The following STX2 variants were observed in gnomAD, a reference collection of about 807,000 sequenced individuals.
STX2 encodes syntaxin-2.
In STX2, 27 loss-of-function variants were observed where a neutral mutation model predicts 40.6. The ratio of observed to expected loss-of-function variants is 0.66; its 90% confidence interval spans 0.49 to 0.92. The LOEUF (loss-of-function observed/expected upper bound fraction) is 0.92. Ranked by LOEUF, STX2 falls within the 40% of genes least tolerant of loss-of-function variation. STX2 has a pLI of 0.00. For missense variants in STX2, 328 were observed against 366.1 expected (o/e 0.90, Z 0.85); for synonymous variants, 123 against 119.1 (o/e 1.03, Z -0.22).
At chr12:130,819,796 A>G (rs1009999578) in intron 3 of STX2, among the ~76,000 whole-genome samples, 3 of 152,178 alleles carry the variant, frequency 2.0e-5, no homozygotes, top group African/African-American at 7.2e-5. Flanking sequence ...TGATTATTCT[A>G]CGGGTACTGC....
rs142611046 is a variant in STX2 at position 130,835,542 on chromosome 12, A to G, written c.30+3528T>C. 2.6e-5 allele frequency among the ~76,000 whole-genome samples: 4 copies of G among 152,236 alleles called. No homozygotes were observed. In the East Asian group the frequency reaches 7.7e-4, roughly 29 times the overall value. ...ACTTTTTTTAAAAAGTAATCAAAAT[A>G]CGTTTGGGGTGGTTATCTTATAGAA... is the stretch of plus-strand genomic sequence containing the variant. On this transcript the variant is annotated intron_variant, in intron 1 of 10. Coordinates refer to ENST00000392373, the MANE Select transcript of STX2 (RefSeq NM_194356.4).
At chr12:130,821,926 G>T in intron 2 of STX2, 138 bp from the exon 3 acceptor site, 1 of 575,482 alleles carries the variant, frequency 1.7e-6, no homozygotes, top group Admixed American at 3.2e-5. Flanking sequence ...TTCTCACACT[G>T]GTATCGTTAA....
chr12:130,836,682 C>T (rs1051562857), intron 1 of STX2, among the ~76,000 whole-genome samples: 2 of 152,200 alleles, frequency 1.3e-5, no homozygotes, highest in Admixed American at 1.3e-4. Context: ...GAGCTTCACA[C>T]ATTAGATAAT....
At chr12:130,827,757 T>C (rs1952379854) in intron 1 of STX2, among the ~76,000 whole-genome samples, 1 of 152,122 alleles carries the variant, frequency 6.6e-6, no homozygotes, top group Admixed American at 6.5e-5. Context: ...CTACAAAAAA[T>C]TAGCTGGGCC....
chr12:130,798,684 T>C (rs771259317), intron 8 of STX2, 49 bp from the exon 9 acceptor site: 4 of 1,412,496 alleles, frequency 2.8e-6, no homozygotes, highest in South Asian at 1.3e-5. Flanking sequence ...AATGGCTTAA[T>C]CATGTATCTT....
chr12:130,832,750 A>G (rs1049172247), intron 1 of STX2, among the ~76,000 whole-genome samples: 3 of 151,982 alleles, frequency 2.0e-5, no homozygotes, highest in Non-Finnish European at 4.4e-5. Flanking sequence ...TCCTCAGCTC[A>G]CTCACGTCTC....
intron 3 of STX2, among the ~76,000 whole-genome samples, chr12:130,813,743 G>A (rs112935435): frequency 0.012 from 1,811 of 152,170 alleles, 19 homozygotes; most frequent in Middle Eastern, 0.031. Context: ...CAGGATGTCT[G>A]CTCCATGCCG....
intron 3 of STX2, among the ~76,000 whole-genome samples, chr12:130,820,430 G>A (rs1007055187): frequency 6.6e-6 from 1 of 152,198 alleles, no homozygotes; most frequent in Non-Finnish European, 1.5e-5. Flanking sequence ...ACTTTGGGAG[G>A]CCGAGGCAGG....
rs558709071 is a variant in STX2, at chr12:130,833,600, G to A, written c.30+5470C>T. ...TAATTTTTGCATCTTTAGTAGAGAC[G>A]AGGTTTCCCCCTGTTGGCCAGGCTG... On this transcript the variant is annotated intron_variant, in intron 1 of 10. Coordinates refer to ENST00000392373, the MANE Select transcript of STX2 (RefSeq NM_194356.4). 1.3e-3 allele frequency among the ~76,000 whole-genome samples: 191 copies of A among 152,110 alleles called. 1 individual carries two copies. The highest frequency in any genetic ancestry group is 0.01 in the Middle Eastern group (3 of 294).
chr12:130,805,232 G>A (rs551434267), intron 6 of STX2, among the ~76,000 whole-genome samples: 7 of 152,306 alleles, frequency 4.6e-5, no homozygotes, highest in Admixed American at 2.6e-4. Flanking sequence ...AACAGGGACC[G>A]TATTTTCCCT....
In STX2 at chr12:130,796,156, G is replaced by A. The variant is rs370344431; in HGVS notation, c.787-36C>T. The A allele has an allele frequency of 2.1e-5, 34 of 1,611,640 alleles. No homozygotes were observed. The African/African-American group carries it at 4.1e-4, about 20-fold the overall frequency. On this transcript the variant is annotated intron_variant, in intron 9 of 10. Coordinates refer to ENST00000392373, the MANE Select transcript of STX2 (RefSeq NM_194356.4). Reference sequence around the variant, plus strand: ...AAAGCAAGCTGATTATATCATGCATGGTTAATTTCATATTGCCACATTAAA... The same window carrying A: ...AAAGCAAGCTGATTATATCATGCATAGTTAATTTCATATTGCCACATTAAA...
chr12:130,818,185 A>AAAAAAAAATATATATAT, intron 3 of STX2, among the ~76,000 whole-genome samples: 15 of 70,526 alleles, frequency 2.1e-4, no homozygotes, highest in Non-Finnish European at 3.4e-4. Flanking sequence ...AAAAAAAAAA[A>AAAAAAAAATATATATAT]ATATATATAT....
chr12:130,807,675 C>T (rs761319428), intron 5 of STX2, among the ~76,000 whole-genome samples: 3 of 152,224 alleles, frequency 2.0e-5, no homozygotes, highest in Non-Finnish European at 4.4e-5. Flanking sequence ...GCGGCCTTAC[C>T]ACAAACACTA....
At chr12:130,799,029 C>T (rs551638775) in intron 8 of STX2, among the ~76,000 whole-genome samples, 3 of 152,312 alleles carry the variant, frequency 2.0e-5, no homozygotes, top group Admixed American at 6.5e-5. Context: ...ACATCTTTTC[C>T]ACAAAGTAGA....
In STX2 at chr12:130,818,185, A is replaced by AAAAAAAAAAAAAAATACATATATATAT; in HGVS notation, c.205+3503_205+3504insATATATATATGTATTTTTTTTTTTTTT. Among the ~76,000 whole-genome samples, 5 of 70,588 alleles carry AAAAAAAAAAAAAAATACATATATATAT rather than the reference A, an allele frequency of 7.1e-5. 1 individual carries two copies. Among genetic ancestry groups the AAAAAAAAAAAAAAATACATATATATAT allele is most frequent in the African/African-American group, 5.9e-4 (5 of 8,412 alleles). 46.3% of individuals were successfully genotyped at this position (70,588 alleles called of 152,430 possible). ...GCTGTTTCTACAAAAAAAAAAAAAA[A>AAAAAAAAAAAAAAATACATATATATAT]ATATATATATATATATATATATATA... On this transcript the variant is annotated intron_variant, in intron 3 of 10. Coordinates refer to ENST00000392373, the MANE Select transcript of STX2 (RefSeq NM_194356.4).
chr12:130,792,281 G>A (rs1410488546), intron 10 of STX2, among the ~76,000 whole-genome samples: 4 of 152,058 alleles, frequency 2.6e-5, no homozygotes, highest in Non-Finnish European at 4.4e-5. Flanking sequence ...GGATAGTCTC[G>A]ATCTCTTGAC....
chr12:130,818,719 C>T (rs1476286192), intron 3 of STX2, among the ~76,000 whole-genome samples: 3 of 152,118 alleles, frequency 2.0e-5, no homozygotes, highest in East Asian at 1.9e-4. Flanking sequence ...GGAGCGGAGC[C>T]CCAGGGAACG....
chr12:130,826,650 T>G (rs2136334805), intron 2 of STX2, among the ~76,000 whole-genome samples: 2 of 152,300 alleles, frequency 1.3e-5, no homozygotes, highest in East Asian at 3.9e-4. Context: ...TTAAAAATAT[T>G]AGCTTAAGTA....
chr12:130,792,076 T>C (rs1950893087), intron 10 of STX2, 99 bp from the exon 11 acceptor site: 2 of 752,806 alleles, frequency 2.7e-6, no homozygotes, highest in Non-Finnish European at 4.3e-6. Context: ...GTTTAAAAAA[T>C]ACATCCATTA....
Sources: allele counts gnomAD v4.1 joint callset (sites outside exome capture counted in the v4.1 genomes callset), GRCh38; gene constraint gnomAD v4.1.1; transcripts MANE v1.5; gene names NCBI Gene and HGNC (gene_info 2026-07-23, HGNC 2026-07-21).